Variants in NALCN observed in about 807,000 individuals in gnomAD.
NALCN encodes the protein sodium leak channel NALCN.
NALCN carries 111 observed loss-of-function variants against 225.3 expected under a neutral mutation model. That is an observed-to-expected ratio of 0.49 (90% confidence interval 0.42 to 0.58). The LOEUF is 0.58. NALCN is among the 20% of genes least tolerant of loss of function. NALCN has a pLI of 0.00. For missense variants in NALCN, 1,378 were observed against 2,202.4 expected (o/e 0.63, Z 7.49); for synonymous variants, 764 against 769.0 (o/e 0.99, Z 0.11).
chr13:101,402,854 C>T (rs553632410), intron 1 of NALCN, among the ~76,000 whole-genome samples: 1 of 152,330 alleles, frequency 6.6e-6, no homozygotes, highest in East Asian at 1.9e-4. Flanking sequence ...CCCTACTGCT[C>T]TGAACTCTTC....
At chr13:101,310,043 C>A (rs1186693708) in intron 7 of NALCN, among the ~76,000 whole-genome samples, 1 of 152,108 alleles carries the variant, frequency 6.6e-6, no homozygotes, top group Non-Finnish European at 1.5e-5. Flanking sequence ...ATAAAGTAAA[C>A]ATGAACACTA....
intron 3 of NALCN, among the ~76,000 whole-genome samples, chr13:101,394,137 T>C (rs1456331667): frequency 6.6e-6 from 1 of 152,220 alleles, no homozygotes; most frequent in Non-Finnish European, 1.5e-5. Context: ...TAATTGTTGA[T>C]GTGTAGTTAC....
In NALCN at chr13:101,388,558, T is replaced by C. The variant is rs368636292; in HGVS notation, c.291+6625A>G. Among the ~76,000 whole-genome samples, 18 of 152,322 alleles carry C rather than the reference T, an allele frequency of 1.2e-4. 1 individual carries two copies. The East Asian group carries it at 2.3e-3, about 20-fold the overall frequency. ...AAGTCATTTCTTTCTCTTTTAACTATTGATTCAACTTCTAACATTTACATT... is the reference window on the plus strand; with the variant it reads ...AAGTCATTTCTTTCTCTTTTAACTACTGATTCAACTTCTAACATTTACATT... On this transcript the variant is annotated intron_variant, in intron 3 of 43. Coordinates refer to ENST00000251127, the MANE Select transcript of NALCN (RefSeq NM_052867.4).
At chr13:101,262,605 T>C (rs2042465780) in intron 10 of NALCN, among the ~76,000 whole-genome samples, 1 of 152,206 alleles carries the variant, frequency 6.6e-6, no homozygotes, top group Non-Finnish European at 1.5e-5. Context: ...TCCTTGCAGC[T>C]CAAAGAGCTA....
intron 18 of NALCN, among the ~76,000 whole-genome samples, chr13:101,115,211 C>T (rs1306564387): frequency 6.6e-6 from 1 of 151,930 alleles, no homozygotes; most frequent in Non-Finnish European, 1.5e-5. Context: ...GAATATGATG[C>T]CACTCAAGAA....
intron 11 of NALCN, among the ~76,000 whole-genome samples, chr13:101,245,250 T>C (rs367562295): frequency 9.8e-5 from 15 of 152,370 alleles, no homozygotes; most frequent in Admixed American, 7.8e-4. Flanking sequence ...AAGTTAAAAC[T>C]TAACTTTTTA....
At chr13:101,182,429 G>A (rs1009913083) in intron 14 of NALCN, among the ~76,000 whole-genome samples, 1 of 152,168 alleles carries the variant, frequency 6.6e-6, no homozygotes, top group African/African-American at 2.4e-5. Context: ...CTCTTGGGGA[G>A]GCAACAAATT....
chr13:101,344,813 T>C (rs888026000), intron 7 of NALCN, among the ~76,000 whole-genome samples: 1 of 152,210 alleles, frequency 6.6e-6, no homozygotes, highest in African/African-American at 2.4e-5. Context: ...TCATTAATTG[T>C]ATTCTAATCA....
chr13:101,246,546 A>G (rs886279507), intron 11 of NALCN, among the ~76,000 whole-genome samples: 13 of 152,304 alleles, frequency 8.5e-5, no homozygotes, highest in African/African-American at 2.9e-4. Context: ...TGTTATAAAG[A>G]GCAAATTTTG....
intron 10 of NALCN, among the ~76,000 whole-genome samples, chr13:101,275,663 G>C (rs1182220915): frequency 6.6e-6 from 1 of 152,092 alleles, no homozygotes; most frequent in Non-Finnish European, 1.5e-5. Context: ...CTGTAGCTGG[G>C]GAGGAAGAAG....
chr13:101,187,867 G>T (rs2039513760), intron 14 of NALCN, among the ~76,000 whole-genome samples: 1 of 152,120 alleles, frequency 6.6e-6, no homozygotes, highest in African/African-American at 2.4e-5. Flanking sequence ...GACGTTGAGG[G>T]TCATGAGGCA....
intron 1 of NALCN, among the ~76,000 whole-genome samples, chr13:101,410,788 C>T (rs1005733659): frequency 6.6e-6 from 1 of 152,214 alleles, no homozygotes; most frequent in Non-Finnish European, 1.5e-5. Flanking sequence ...AAAGCCGTAA[C>T]AATTTCTTTT....
intron 9 of NALCN, among the ~76,000 whole-genome samples, chr13:101,291,396 T>A (rs762131182): frequency 3.9e-5 from 6 of 152,172 alleles, no homozygotes; most frequent in Non-Finnish European, 8.8e-5. Flanking sequence ...GATGTCAGAA[T>A]CAAAGGTATG....
At chr13:101,324,495 A>T (rs2044869803) in intron 7 of NALCN, among the ~76,000 whole-genome samples, 2 of 152,294 alleles carry the variant, frequency 1.3e-5, no homozygotes, top group South Asian at 4.1e-4. Context: ...GCTCCTTCAC[A>T]TCCCTTGTAA....
At chr13:101,355,929 C>T (rs1227634092) in intron 6 of NALCN, among the ~76,000 whole-genome samples, 1 of 152,148 alleles carries the variant, frequency 6.6e-6, no homozygotes, top group Non-Finnish European at 1.5e-5. Context: ...GGAAATTGAA[C>T]AACCTGCTGC....
chr13:101,204,979 A>C (rs2040258037), intron 13 of NALCN, among the ~76,000 whole-genome samples: 1 of 152,120 alleles, frequency 6.6e-6, no homozygotes, highest in Non-Finnish European at 1.5e-5. Flanking sequence ...TGGAGAGCTG[A>C]AGTACATAGG....
At position 101,055,632 on chromosome 13, in the gene NALCN, A is replaced by C; in HGVS notation, c.5024-144T>G. 3 of 591,930 alleles carry C rather than the reference A, an allele frequency of 5.1e-6. No individual in the cohort carries two copies. The South Asian group carries it at 1.1e-4, about 21-fold the overall frequency. The allele number at this position is 591,930 out of a possible 1,614,324, so 36.7% of individuals were successfully genotyped here. ...ATGCTAAGTAAACATCCTTTTCAGG[A>C]CTTGATTCTTTATGTTCACGATAGA... On this transcript the variant is annotated intron_variant, in intron 43 of 43. Transcript: ENST00000251127.
intron 6 of NALCN, among the ~76,000 whole-genome samples, chr13:101,362,805 C>T (rs2046285002): frequency 6.6e-6 from 1 of 151,986 alleles, no homozygotes; most frequent in South Asian, 2.1e-4. Flanking sequence ...AAATTATCCT[C>T]ATTTGCAGAC....
chr13:101,065,546 AC>A lies in NALCN; in HGVS notation c.4461del (p.Phe1488SerfsTer47). 2.5e-6 allele frequency: 4 copies of A among 1,614,080 alleles called. No individual in the cohort carries two copies. The highest frequency in any genetic ancestry group is 3.4e-6 in the Non-Finnish European group (4 of 1,180,006). On this transcript the variant is annotated frameshift_variant, in exon 40 of 44. Transcript: ENST00000251127. LOFTEE classifies it high-confidence loss of function. Reference sequence around the variant, plus strand: ...AGCCGCAGCAGGAACTTGACGCGGAACGTGGGGATCACCCCCTGCGGGGCAG... The same window carrying A: ...AGCCGCAGCAGGAACTTGACGCGGAAGTGGGGATCACCCCCTGCGGGGCAG... ...VDDKREGVIP[T>X]FRVKFLLRLL...
Sources: gnomAD v4.1 joint callset for allele counts (sites outside exome capture counted in the v4.1 genomes callset) on GRCh38, gnomAD v4.1.1 for gene constraint, MANE v1.5 for transcripts, NCBI Gene and HGNC (gene_info 2026-07-23, HGNC 2026-07-21) for gene names.